Variants in ST8SIA5 observed in about 807,000 individuals in gnomAD.
ST8SIA5 encodes the protein ST8 alpha-N-acetyl-neuraminide alpha-2,8-sialyltransferase 5.
A neutral mutation model predicts 40.2 loss-of-function variants in ST8SIA5; 24 were observed. The observed-to-expected ratio is 0.60, with a 90% confidence interval of 0.43 to 0.84. The LOEUF is 0.84. Ranked by LOEUF, ST8SIA5 falls within the 40% of genes least tolerant of loss-of-function variation. ST8SIA5 has a pLI of 0.00. For synonymous variants in ST8SIA5, 198 were observed against 201.8 expected, an observed-to-expected ratio of 0.98 and a Z score of 0.16; for missense variants, 465 against 498.5, an observed-to-expected ratio of 0.93 and a Z score of 0.64.
intron 1 of ST8SIA5, among the ~76,000 whole-genome samples, chr18:46,725,973 ATATATATATATATATATATATATATAT>A (rs1186231008): frequency 8.0e-5 from 2 of 25,088 alleles, no homozygotes; most frequent in East Asian, 1.5e-3. Flanking sequence ...AAAAAAAAAA[ATATATATATATATATATATATATATAT>A]ATATATATAT....
intron 1 of ST8SIA5, among the ~76,000 whole-genome samples, chr18:46,746,162 AATG>A (rs1195713631): frequency 2.6e-5 from 4 of 152,146 alleles, no homozygotes; most frequent in Non-Finnish European, 4.4e-5. Flanking sequence ...CACACAAGAA[AATG>A]ATGTCCTCTC....
At chr18:46,715,175 G>A (rs564687312) in intron 1 of ST8SIA5, among the ~76,000 whole-genome samples, 27 of 152,312 alleles carry the variant, frequency 1.8e-4, no homozygotes, top group African/African-American at 5.8e-4. Flanking sequence ...CAACAGCTCT[G>A]GCCCTTTTTC....
At chr18:46,746,100 A>ATACTGAATGG (rs2040137401) in intron 1 of ST8SIA5, among the ~76,000 whole-genome samples, 6 of 152,320 alleles carry the variant, frequency 3.9e-5, no homozygotes, top group Middle Eastern at 3.4e-3. Context: ...ACAAACCCAC[A>ATACTGAATGG]GCCAGTATCA....
intron 1 of ST8SIA5, among the ~76,000 whole-genome samples, chr18:46,707,130 T>C (rs982491950): frequency 6.6e-6 from 1 of 152,316 alleles, no homozygotes; most frequent in African/African-American, 2.4e-5. Flanking sequence ...TGAGCTCTGG[T>C]GTCCTATCAC....
chr18:46,749,143 T>C (rs2040171757), intron 1 of ST8SIA5, among the ~76,000 whole-genome samples: 1 of 152,182 alleles, frequency 6.6e-6, no homozygotes, highest in Non-Finnish European at 1.5e-5. Flanking sequence ...TTATATGAAA[T>C]GCTCAAAACG....
chr18:46,732,449 T>G (rs2039994035), intron 1 of ST8SIA5, among the ~76,000 whole-genome samples: 1 of 152,200 alleles, frequency 6.6e-6, no homozygotes, highest in Non-Finnish European at 1.5e-5. Context: ...GCTGGGTCAG[T>G]GACCTCAGCC....
chr18:46,756,572 G>A lies in ST8SIA5; in HGVS notation c.-64C>T, dbSNP rs2040250836. The A allele has an allele frequency of 3.3e-6, 5 of 1,523,428 alleles. No homozygotes were observed. The highest frequency in any genetic ancestry group is 4.4e-6 in the Non-Finnish European group (5 of 1,137,440). The allele number at this position is 1,523,428 out of a possible 1,614,324, so 94.4% of individuals were successfully genotyped here. The stretch of plus-strand genomic sequence containing the variant: ...GCCAGGCAATGACTCGCGGGGTTCC[G>A]GGGCCCCGGGGGGCGCGCGGCCGAC... On this transcript the variant is annotated 5_prime_UTR_variant, in exon 1 of 7. Coordinates refer to ENST00000315087, the MANE Select transcript of ST8SIA5 (RefSeq NM_013305.6).
At chr18:46,725,634 T>A (rs759056677) in intron 1 of ST8SIA5, among the ~76,000 whole-genome samples, 19 of 152,138 alleles carry the variant, frequency 1.2e-4, no homozygotes, top group Non-Finnish European at 2.5e-4. Context: ...GTAGGTGGAA[T>A]TAAAGTTTAT....
chr18:46,688,195 T>A (rs1052693094), intron 4 of ST8SIA5, among the ~76,000 whole-genome samples: 1 of 152,228 alleles, frequency 6.6e-6, no homozygotes, highest in Non-Finnish European at 1.5e-5. Flanking sequence ...TCCAGAATTC[T>A]TTTATGTGAA....
intron 1 of ST8SIA5, among the ~76,000 whole-genome samples, chr18:46,756,088 G>A (rs1210823908): frequency 1.3e-5 from 2 of 152,204 alleles, no homozygotes; most frequent in Admixed American, 6.5e-5. Flanking sequence ...CGGTCTCTCC[G>A]GGTATTAAAT....
Position 46,675,399 on chromosome 18 carries a change from C to A in ST8SIA5, c.*4643G>T, listed in dbSNP as rs146818825. 119 of 152,254 alleles carry A rather than the reference C, an allele frequency of 7.8e-4. No individual in the cohort carries two copies. Among genetic ancestry groups the A allele is most frequent in the African/African-American group, 2.7e-3 (113 of 41,538 alleles). The allele number at this position is 152,254 out of a possible 1,614,324, so 9.4% of individuals were successfully genotyped here. A position where few individuals can be genotyped will look rare whatever the true frequency, so the allele number is the denominator to read the frequency against. On this transcript the variant is annotated 3_prime_UTR_variant, in exon 7 of 7. Transcript: ENST00000315087. ...GAGCTCCCTCAATTTCACACAGCTACGAAGTAGTAGGAGGAGACTCTGAGT... is the reference window on the plus strand; with the variant it reads ...GAGCTCCCTCAATTTCACACAGCTAAGAAGTAGTAGGAGGAGACTCTGAGT...
chr18:46,712,559 C>T (rs1388360104), intron 1 of ST8SIA5, among the ~76,000 whole-genome samples: 2 of 152,216 alleles, frequency 1.3e-5, no homozygotes, highest in African/African-American at 4.8e-5. Flanking sequence ...TCCTCTGTGC[C>T]TGCAGCCCCT....
chr18:46,756,622 C>G lies in ST8SIA5; in HGVS notation c.-114G>C. The G allele has an allele frequency of 7.8e-7, 1 of 1,289,402 alleles. No individual in the cohort carries two copies. The highest frequency in any genetic ancestry group is 1.0e-6 in the Non-Finnish European group (1 of 957,362). The allele number at this position is 1,289,402 out of a possible 1,614,324, so 79.9% of individuals were successfully genotyped here. A position where few individuals can be genotyped will look rare whatever the true frequency, so the allele number is the denominator to read the frequency against. ...CTTGGCGCCTCACGGTGCGGTCAGG[C>G]AGGCGGGGGACTTCGAGGGGCAAAG... On this transcript the variant is annotated 5_prime_UTR_variant, in exon 1 of 7. Transcript: ENST00000315087.
intron 2 of ST8SIA5, among the ~76,000 whole-genome samples, chr18:46,693,951 A>G (rs1005493466): frequency 1.3e-5 from 2 of 152,220 alleles, no homozygotes; most frequent in African/African-American, 4.8e-5. Context: ...TGTTCCTTGC[A>G]TCCTAACCAA....
Position 46,673,180 on chromosome 18 carries a change from G to C in ST8SIA5, c.*6862C>G, listed in dbSNP as rs1713231256. On this transcript the variant is annotated 3_prime_UTR_variant, in exon 7 of 7. Coordinates refer to ENST00000315087, the MANE Select transcript of ST8SIA5 (RefSeq NM_013305.6). ...CAGTGTGAATGTACTTACCATTACT[G>C]AACTGTACACTTAAAAATGGTTAAG... The C allele has an allele frequency of 6.6e-6, 1 of 152,134 alleles. No homozygotes were observed. The highest frequency in any genetic ancestry group is 6.5e-5 in the Admixed American group (1 of 15,274). The allele number at this position is 152,134 out of a possible 1,614,324, so 9.4% of individuals were successfully genotyped here. A position where few individuals can be genotyped will look rare whatever the true frequency, so the allele number is the denominator to read the frequency against.
chr18:46,692,428 G>T (rs1464689231), intron 2 of ST8SIA5, among the ~76,000 whole-genome samples, 173 bp from the exon 3 acceptor site: 1 of 151,384 alleles, frequency 6.6e-6, no homozygotes, highest in Non-Finnish European at 1.5e-5. Context: ...TTTTAAGACA[G>T]GGCCTCACAC....
At chr18:46,741,712 A>T (rs1193328949) in intron 1 of ST8SIA5, among the ~76,000 whole-genome samples, 1 of 152,248 alleles carries the variant, frequency 6.6e-6, no homozygotes, top group African/African-American at 2.4e-5. Context: ...TAAGTTGAAC[A>T]TCTATTAAAG....
At chr18:46,707,485 TC>T (rs2144504802) in intron 1 of ST8SIA5, among the ~76,000 whole-genome samples, 1 of 152,288 alleles carries the variant, frequency 6.6e-6, no homozygotes, top group Admixed American at 6.5e-5. Flanking sequence ...CCTTGCCTCT[TC>T]CTTGGTTCCT....
Position 46,739,184 on chromosome 18 carries a change from G to A in ST8SIA5, c.131+17194C>T, listed in dbSNP as rs139231571. Reference sequence around the variant, plus strand: ...TTTGGACTGAAAGACAGCTGGGAGGGGACAGCGGGTCGGAGGCAGCGTGGG... The same window carrying A: ...TTTGGACTGAAAGACAGCTGGGAGGAGACAGCGGGTCGGAGGCAGCGTGGG... On this transcript the variant is annotated intron_variant, in intron 1 of 6. Coordinates refer to ENST00000315087, the MANE Select transcript of ST8SIA5 (RefSeq NM_013305.6). Among the ~76,000 whole-genome samples the A allele has an allele frequency of 6.8e-4, 103 of 152,274 alleles. 1 individual carries two copies. The highest frequency in any genetic ancestry group is 2.3e-3 in the African/African-American group (97 of 41,550).
Sources: allele counts gnomAD v4.1 joint callset (sites outside exome capture counted in the v4.1 genomes callset), GRCh38; gene constraint gnomAD v4.1.1; transcripts MANE v1.5; gene names NCBI Gene and HGNC (gene_info 2026-07-23, HGNC 2026-07-21).